MICAL2: variants seen among roughly 807,000 people sequenced by gnomAD.
MICAL2 encodes the protein microtubule associated monooxygenase, calponin and LIM domain containing 2.
In MICAL2, 77 loss-of-function variants were observed where a neutral mutation model predicts 127.3. The ratio of observed to expected loss-of-function variants is 0.60; its 90% confidence interval spans 0.50 to 0.73. MICAL2 has a LOEUF of 0.73. Ranked by LOEUF, MICAL2 falls within the 30% of genes least tolerant of loss-of-function variation. The probability of loss-of-function intolerance (pLI) is 0.00; values close to 1 mark genes in which losing one functional copy is unlikely to be tolerated. For missense variants in MICAL2, 1,351 were observed against 1,434.4 expected (o/e 0.94, Z 0.94); for synonymous variants, 570 against 551.1 (o/e 1.03, Z -0.48).
intron 29 of MICAL2, among the ~76,000 whole-genome samples, chr11:12,305,355 A>C (rs1864096785): frequency 6.6e-6 from 1 of 151,884 alleles, no homozygotes; most frequent in South Asian, 2.1e-4. Context: ...TGAGAACAGC[A>C]TGGGGGAGAC....
intron 2 of MICAL2, among the ~76,000 whole-genome samples, chr11:12,155,490 AC>A (rs1854080079): frequency 6.6e-6 from 1 of 152,282 alleles, no homozygotes; most frequent in Admixed American, 6.5e-5. Flanking sequence ...ACCCCTGCAA[AC>A]ATACACACGT....
intron 4 of MICAL2, 70 bp from the exon 5 acceptor site, chr11:12,207,953 T>A (rs1854945616): frequency 8.6e-7 from 1 of 1,162,360 alleles, no homozygotes; most frequent in East Asian, 2.3e-5. Context: ...GCAGTGATTA[T>A]GTAGCATTCT....
At chr11:12,137,575 C>G (rs1851950678) in intron 1 of MICAL2, among the ~76,000 whole-genome samples, 2 of 152,084 alleles carry the variant, frequency 1.3e-5, no homozygotes, top group African/African-American at 4.8e-5. Context: ...AATGTGTGCT[C>G]TTTGTGTGCT....
rs1057336058 is a variant in MICAL2 at position 12,145,347 on chromosome 11, C to T, written c.-78+6887C>T. On this transcript the variant is annotated intron_variant, in intron 2 of 27. Transcript: ENST00000683283. ...TACCCGATAAAGGCATCTTCTAGGC[C>T]GGGGCCTGGAAAGACAGATGATGTT... is the stretch of plus-strand genomic sequence containing the variant. Among the ~76,000 whole-genome samples the T allele has an allele frequency of 4.2e-4, 64 of 152,252 alleles. 1 individual carries two copies. The highest frequency in any genetic ancestry group is 1.3e-3 in the African/African-American group (56 of 41,546).
rs397978478 is a variant in MICAL2 at position 12,226,651 on chromosome 11, G to GGTTT, written c.1888+281_1888+282insGTTT. 4.0e-5 allele frequency among the ~76,000 whole-genome samples: 5 copies of GGTTT among 126,370 alleles called. 1 individual carries two copies. The highest frequency in any genetic ancestry group is 3.0e-5 in the African/African-American group (1 of 33,508). The allele number at this position is 126,370 out of a possible 152,430, so 82.9% of individuals were successfully genotyped here. ...TTTGTTTTTTTGTTGTTTGTTTTTG[G>GGTTT]TTTTTTTTTTTTTTTTTTTGAGAGG... On this transcript the variant is annotated intron_variant, in intron 14 of 27. Transcript: ENST00000683283.
At chr11:12,126,705 T>TAAAAA (rs5789711) in intron 1 of MICAL2, among the ~76,000 whole-genome samples, 14 of 144,332 alleles carry the variant, frequency 9.7e-5, no homozygotes, top group African/African-American at 2.3e-4. Flanking sequence ...CTTATGTGTG[T>TAAAAA]AAAAAAAAAA....
intron 1 of MICAL2, among the ~76,000 whole-genome samples, chr11:12,111,665 G>A (rs1849619351): frequency 6.6e-6 from 1 of 152,244 alleles, no homozygotes; most frequent in Admixed American, 6.5e-5. Flanking sequence ...GCCTACAGCA[G>A]TGTGCCGGCT....
chr11:12,158,442 C>T (rs1854423320), intron 2 of MICAL2, among the ~76,000 whole-genome samples: 1 of 151,832 alleles, frequency 6.6e-6, no homozygotes, highest in African/African-American at 2.4e-5. Context: ...AACAGGTGGC[C>T]CTCTGCATCC....
chr11:12,253,993 C>T (rs543983341), intron 22 of MICAL2: 1 of 152,204 alleles, frequency 6.6e-6, no homozygotes, highest in Non-Finnish European at 1.5e-5. Flanking sequence ...GGTTGGTTCC[C>T]CTGGCAACCA....
At chr11:12,341,394 A>T (rs1938861134) in intron 32 of MICAL2, among the ~76,000 whole-genome samples, 1 of 152,224 alleles carries the variant, frequency 6.6e-6, no homozygotes, top group Non-Finnish European at 1.5e-5. Flanking sequence ...CCCAACTTGG[A>T]TAAAAAACAC....
intron 32 of MICAL2, among the ~76,000 whole-genome samples, chr11:12,333,449 G>A (rs183365533): frequency 6.6e-6 from 1 of 151,992 alleles, no homozygotes; most frequent in East Asian, 1.9e-4. Context: ...TTAAATAGAA[G>A]CATTTCTTTA....
At chr11:12,324,663 G>T (rs1258154318) in intron 31 of MICAL2, among the ~76,000 whole-genome samples, 1 of 152,194 alleles carries the variant, frequency 6.6e-6, no homozygotes, top group African/African-American at 2.4e-5. Flanking sequence ...TTGAACAAGA[G>T]TTGGGTTTTA....
At chr11:12,248,929 C>G (rs1449123639) in intron 21 of MICAL2, among the ~76,000 whole-genome samples, 1 of 152,146 alleles carries the variant, frequency 6.6e-6, no homozygotes, top group Non-Finnish European at 1.5e-5. Flanking sequence ...AGTTTCAAAT[C>G]AGACTTCAGT....
chr11:12,201,682 G>A (rs1375502532), intron 3 of MICAL2, among the ~76,000 whole-genome samples: 1 of 152,198 alleles, frequency 6.6e-6, no homozygotes, highest in African/African-American at 2.4e-5. Context: ...AGGTCATTGT[G>A]GGGAAGTATC....
Position 12,162,189 on chromosome 11 carries a change from G to A in MICAL2, c.34G>A (p.Ala12Thr). 1.2e-6 allele frequency: 2 copies of A among 1,614,216 alleles called. No individual in the cohort carries two copies. Among genetic ancestry groups the A allele is most frequent in the Non-Finnish European group, 1.7e-6 (2 of 1,180,044 alleles). The change falls in exon 3 of 28, where the codon GCG becomes ACG. Residue 12 changes from alanine (A) to threonine (T), a missense_variant. Coordinates refer to ENST00000683283, the MANE Select transcript of MICAL2 (RefSeq NM_001282663.2). ...AAACGAGGATGAGAAGCAGGCCCAG[G>A]CGGGGCAGGTTTTTGAGAACTTTGT... ...GENEDEKQAQ[A>T]GQVFENFVQA...
At chr11:12,210,234 A>G (rs1029017647) in intron 6 of MICAL2, among the ~76,000 whole-genome samples, 7 of 152,164 alleles carry the variant, frequency 4.6e-5, no homozygotes, top group African/African-American at 1.7e-4. Flanking sequence ...GAGAAACCCC[A>G]TTGCCAGAAA....
intron 3 of MICAL2, among the ~76,000 whole-genome samples, chr11:12,199,620 T>G (rs1413326665): frequency 6.6e-6 from 1 of 152,146 alleles, no homozygotes; most frequent in African/African-American, 2.4e-5. Flanking sequence ...GGCTGGAAGA[T>G]GCACCATGTC....
At chr11:12,260,062 C>G in intron 26 of MICAL2, 165 bp downstream of exon 26, 1 of 1,538,730 alleles carries the variant, frequency 6.5e-7, no homozygotes, top group Non-Finnish European at 8.7e-7. Flanking sequence ...GGGGCTGCCA[C>G]TCCTCTGGGC....
chr11:12,297,571 A>G (rs1235591405), intron 29 of MICAL2, among the ~76,000 whole-genome samples: 1 of 152,018 alleles, frequency 6.6e-6, no homozygotes, highest in Non-Finnish European at 1.5e-5. Context: ...TCTGGGTTTT[A>G]TATAGTAGTT....
Sources: allele counts gnomAD v4.1 joint callset (sites outside exome capture counted in the v4.1 genomes callset), GRCh38; gene constraint gnomAD v4.1.1; transcripts MANE v1.5; gene names NCBI Gene and HGNC (gene_info 2026-07-23, HGNC 2026-07-21).